MDGA2: variants seen among roughly 807,000 people sequenced by gnomAD.
The protein encoded by MDGA2 is MAM domain containing glycosylphosphatidylinositol anchor 2.
A neutral mutation model predicts 117.8 loss-of-function variants in MDGA2; 40 were observed. The observed-to-expected ratio is 0.34, with a 90% CI of 0.26 to 0.44. The LOEUF (loss-of-function observed/expected upper bound fraction) is 0.44, where lower values mean the gene tolerates loss of function less well. MDGA2 is among the 20% of genes least tolerant of loss of function. MDGA2 has a pLI of 1.00. For missense variants in MDGA2, 1,123 were observed against 1,250.6 expected (o/e 0.90, Z 1.54); for synonymous variants, 452 against 439.0 (o/e 1.03, Z -0.37).
At position 46,950,813 on chromosome 14, in the gene MDGA2, G is replaced by A. The variant is rs575975521; in HGVS notation, c.2089+6561C>T. Among the ~76,000 whole-genome samples the A allele has an allele frequency of 1.7e-3, 254 of 147,068 alleles. 1 individual carries two copies. Among genetic ancestry groups the A allele is most frequent in the African/African-American group, 5.9e-3 (228 of 38,604 alleles). On this transcript the variant is annotated intron_variant, in intron 9 of 16. Transcript: ENST00000399232. ...TGAATAGCAATAAATAAATAAATAA[G>A]TAAATAAAAACATTGCCAGAGACTA...
chr14:47,183,249 C>G (rs1373603756), intron 3 of MDGA2, among the ~76,000 whole-genome samples: 2 of 152,098 alleles, frequency 1.3e-5, no homozygotes, highest in African/African-American at 4.8e-5. Flanking sequence ...CTAAGCCCAG[C>G]ACAGTTGAAC....
intron 8 of MDGA2, among the ~76,000 whole-genome samples, chr14:47,018,280 T>C (rs1480288310): frequency 6.6e-6 from 1 of 152,042 alleles, no homozygotes; most frequent in Non-Finnish European, 1.5e-5. Context: ...TGTTTATGAG[T>C]TGTGCCTTCT....
chr14:46,912,530 C>T (rs1168417498), intron 10 of MDGA2, among the ~76,000 whole-genome samples: 4 of 152,072 alleles, frequency 2.6e-5, no homozygotes, highest in Non-Finnish European at 5.9e-5. Context: ...CCTAACAAGT[C>T]CACATGTGAA....
At chr14:47,511,288 A>G (rs17118822) in intron 1 of MDGA2, among the ~76,000 whole-genome samples, 2,203 of 152,300 alleles carry the variant, frequency 0.014, 43 homozygotes, top group African/African-American at 0.05. Context: ...AGACTGTGTC[A>G]TAAGTTCAGC....
At chr14:47,006,878 A>G (rs570627462) in intron 8 of MDGA2, among the ~76,000 whole-genome samples, 2 of 151,848 alleles carry the variant, frequency 1.3e-5, no homozygotes, top group Admixed American at 1.3e-4. Flanking sequence ...AAAAGTATGC[A>G]TTATTCTCGG....
At chr14:47,459,382 T>A (rs1893432657) in intron 1 of MDGA2, among the ~76,000 whole-genome samples, 1 of 151,276 alleles carries the variant, frequency 6.6e-6, no homozygotes. Flanking sequence ...CCTCTCATAT[T>A]GTGGTTAGTG....
intron 1 of MDGA2, among the ~76,000 whole-genome samples, chr14:47,572,495 C>T (rs1223647078): frequency 6.6e-6 from 1 of 152,168 alleles, no homozygotes; most frequent in Non-Finnish European, 1.5e-5. Flanking sequence ...CCGATTCAAA[C>T]ATAAGAATCG....
At chr14:47,450,325 G>C (rs568832002) in intron 1 of MDGA2, among the ~76,000 whole-genome samples, 26 of 151,886 alleles carry the variant, frequency 1.7e-4, no homozygotes, top group Non-Finnish European at 2.2e-4. Context: ...ACATAAAATA[G>C]TATCCCCCAA....
chr14:47,289,304 TACACACAC>T (rs3039467), intron 2 of MDGA2, among the ~76,000 whole-genome samples: 71 of 140,614 alleles, frequency 5.0e-4, no homozygotes, highest in East Asian at 1.0e-3. Context: ...TTTCTGGACT[TACACACAC>T]ACACACACAC....
At chr14:47,566,132 G>A (rs1202627453) in intron 1 of MDGA2, among the ~76,000 whole-genome samples, 1 of 152,240 alleles carries the variant, frequency 6.6e-6, no homozygotes, top group African/African-American at 2.4e-5. Flanking sequence ...GACTGTGGAT[G>A]AGTGTGTGCC....
At chr14:47,654,693 C>T (rs1247860952) in intron 1 of MDGA2, among the ~76,000 whole-genome samples, 2 of 151,982 alleles carry the variant, frequency 1.3e-5, no homozygotes, top group Non-Finnish European at 2.9e-5. Flanking sequence ...TAGAATATAT[C>T]CCCAACTCTC....
At chr14:46,931,061 A>C (rs1425149395) in intron 9 of MDGA2, among the ~76,000 whole-genome samples, 1 of 151,920 alleles carries the variant, frequency 6.6e-6, no homozygotes, top group African/African-American at 2.4e-5. Context: ...CTAAAAATAC[A>C]AAAATTAGCA....
At chr14:47,306,969 T>C (rs1368219463) in intron 1 of MDGA2, among the ~76,000 whole-genome samples, 1 of 152,182 alleles carries the variant, frequency 6.6e-6, no homozygotes, top group Non-Finnish European at 1.5e-5. Context: ...TTAGCTGTCA[T>C]TCTGTTTTGC....
At chr14:47,376,809 A>T (rs1431150060) in intron 1 of MDGA2, among the ~76,000 whole-genome samples, 2 of 152,186 alleles carry the variant, frequency 1.3e-5, no homozygotes, top group Non-Finnish European at 2.9e-5. Flanking sequence ...GAAAAAATGC[A>T]GGAAAAAATG....
At chr14:47,314,734 A>G (rs1003200255) in intron 1 of MDGA2, among the ~76,000 whole-genome samples, 2 of 152,152 alleles carry the variant, frequency 1.3e-5, no homozygotes, top group African/African-American at 4.8e-5. Flanking sequence ...GAACAAGTAT[A>G]ATCATTAAAG....
At chr14:47,588,253 T>TATAG (rs1164425991) in intron 1 of MDGA2, among the ~76,000 whole-genome samples, 4 of 94,302 alleles carry the variant, frequency 4.2e-5, no homozygotes, top group African/African-American at 1.4e-4. Flanking sequence ...TATATATATA[T>TATAG]ATATATATAC....
At chr14:47,063,788 C>T (rs1889981020) in intron 6 of MDGA2, among the ~76,000 whole-genome samples, 2 of 151,814 alleles carry the variant, frequency 1.3e-5, no homozygotes, top group African/African-American at 2.4e-5. Flanking sequence ...TATCAGGGTT[C>T]ATATGGGATA....
chr14:47,366,025 T>C (rs1350041047), intron 1 of MDGA2, among the ~76,000 whole-genome samples: 5 of 152,122 alleles, frequency 3.3e-5, no homozygotes, highest in South Asian at 4.1e-4. Flanking sequence ...TCAATAACCA[T>C]GTATGAAGGA....
chr14:47,229,350 G>C (rs1011987303), intron 2 of MDGA2, among the ~76,000 whole-genome samples: 3 of 152,070 alleles, frequency 2.0e-5, no homozygotes, highest in Non-Finnish European at 4.4e-5. Flanking sequence ...ATGGGTCCCT[G>C]ATGACACCAT....
Sources: gnomAD v4.1 joint callset for allele counts (sites outside exome capture counted in the v4.1 genomes callset) on GRCh38, gnomAD v4.1.1 for gene constraint, MANE v1.5 for transcripts, NCBI Gene and HGNC (gene_info 2026-07-23, HGNC 2026-07-21) for gene names.